The following RANBP10 variants were observed in gnomAD, a reference collection of about 807,000 sequenced individuals.
RANBP10 encodes RAN binding protein 10.
RANBP10 carries 24 observed loss-of-function variants against 72.8 expected under a neutral mutation model. That is an observed-to-expected ratio of 0.33 (90% confidence interval 0.24 to 0.46). RANBP10 has a LOEUF of 0.46. Among genes scored for constraint, RANBP10 ranks in the 20% least tolerant of loss-of-function variants. The pLI, the probability that RANBP10 is intolerant of heterozygous loss-of-function variation, is 1.00. For synonymous variants in RANBP10, 310 were observed against 322.3 expected (o/e 0.96, Z 0.41); for missense variants, 679 against 817.5 (o/e 0.83, Z 2.07).
chr16:67,768,300 G>C (rs1438663659), intron 3 of RANBP10, among the ~76,000 whole-genome samples: 2 of 150,948 alleles, frequency 1.3e-5, no homozygotes, highest in African/African-American at 4.9e-5. Flanking sequence ...CAGGCAGACT[G>C]ACTGAGCTCA....
chr16:67,785,109 G>C (rs1277616678), intron 2 of RANBP10, among the ~76,000 whole-genome samples: 2 of 152,048 alleles, frequency 1.3e-5, no homozygotes, highest in Non-Finnish European at 2.9e-5. Context: ...CTACTCGGGA[G>C]GCTGAGGCAG....
chr16:67,740,895 C>G (rs2053956625), intron 4 of RANBP10, among the ~76,000 whole-genome samples: 1 of 152,176 alleles, frequency 6.6e-6, no homozygotes, highest in Non-Finnish European at 1.5e-5. Flanking sequence ...CTGGAAATCT[C>G]TCTGTACCCA....
rs757424928 is a variant in RANBP10, at chr16:67,744,397, C to G, written c.459G>C (p.Ser153=). 15 of 1,614,090 alleles carry G rather than the reference C, an allele frequency of 9.3e-6. No individual in the cohort carries two copies. The highest frequency in any genetic ancestry group is 1.3e-5 in the Non-Finnish European group (15 of 1,180,042). Residue 153 remains serine (S), a synonymous_variant, in exon 4 of 14, where the codon TCG becomes TCC. Coordinates refer to ENST00000317506, the MANE Select transcript of RANBP10 (RefSeq NM_020850.3). ...HGDDGHSFCS[S]GTGQPYGPTF... The stretch of plus-strand genomic sequence containing the variant: ...TGGGACCATAGGGCTGGCCAGTCCC[C>G]GAGGAGCAGAACGAATGCCCATCAT...
chr16:67,741,125 G>A (rs780873896), intron 4 of RANBP10, among the ~76,000 whole-genome samples: 8 of 152,212 alleles, frequency 5.3e-5, no homozygotes, highest in Middle Eastern at 3.4e-3. Flanking sequence ...TCGATATCTC[G>A]ACTTCAAGGA....
At chr16:67,797,798 A>G (rs1357674852) in intron 2 of RANBP10, among the ~76,000 whole-genome samples, 5 of 149,920 alleles carry the variant, frequency 3.3e-5, no homozygotes, top group South Asian at 4.2e-4. Context: ...GTGACAGAGC[A>G]ACACTCTGTC....
At position 67,780,726 on chromosome 16, in the gene RANBP10, G is replaced by A. The variant is rs141033302; in HGVS notation, c.348-8640C>T. ...GAGCAGTGGGATGATGTGGAGACAG[G>A]CAAGTGCTCTTTAGAACACAGTTAA... On this transcript the variant is annotated intron_variant, in intron 2 of 13. Transcript: ENST00000317506. 7.9e-5 allele frequency among the ~76,000 whole-genome samples: 12 copies of A among 152,348 alleles called. No homozygotes were observed. The East Asian group carries it at 2.3e-3, about 29-fold the overall frequency.
At chr16:67,803,740 C>G (rs1027709846) in intron 2 of RANBP10, among the ~76,000 whole-genome samples, 2 of 149,164 alleles carry the variant, frequency 1.3e-5, no homozygotes, top group Admixed American at 6.8e-5. Flanking sequence ...GAGGATAACT[C>G]GAGCCCAGAA....
chr16:67,792,365 TA>T (rs1597916520), intron 2 of RANBP10, among the ~76,000 whole-genome samples: 1 of 151,482 alleles, frequency 6.6e-6, no homozygotes, highest in East Asian at 1.9e-4. Context: ...CCATCCTGGC[TA>T]ACACGGTGAA....
chr16:67,727,411 C>T lies in RANBP10; in HGVS notation c.1648G>A (p.Asp550Asn). 6.2e-7 allele frequency: 1 copy of T among 1,613,952 alleles called. No individual in the cohort carries two copies. Reference sequence around the variant, plus strand: ...TGGCCAACTGGGCAGCTCCAGGGGTCTGAGTATGCCAGCAGGCTGAAGGCA... The same window carrying T: ...TGGCCAACTGGGCAGCTCCAGGGGTTTGAGTATGCCAGCAGGCTGAAGGCA... The part of the protein sequence containing the change: ...QDAFSLLAYS[D>N]PWSCPVGQQL... Residue 550 changes from aspartate to asparagine, a missense_variant, in exon 13 of 14, where the codon GAC (aspartate) becomes AAC (asparagine). By Grantham distance (23) the Asp-to-Asn change is conservative. Transcript: ENST00000317506.
intron 2 of RANBP10, among the ~76,000 whole-genome samples, chr16:67,778,853 G>A (rs1325827647): frequency 2.6e-5 from 4 of 152,204 alleles, no homozygotes; most frequent in African/African-American, 9.7e-5. Flanking sequence ...AGCACTTTGG[G>A]AGGCCGAGGC....
chr16:67,744,540 G>C, intron 3 of RANBP10, 85 bp from the exon 4 acceptor site: 1 of 1,397,582 alleles, frequency 7.2e-7, no homozygotes. Flanking sequence ...AGGTCTCTCA[G>C]CCTCTCCTCA....
chr16:67,729,691 A>G lies in RANBP10; in HGVS notation c.1136T>C (p.Met379Thr). ...GGAGAGTGGCTGACCTGTGTTGTGCATGTGGGAACTACTGGGGCCATGTCG... is the reference window on the plus strand; with the variant it reads ...GGAGAGTGGCTGACCTGTGTTGTGCGTGTGGGAACTACTGGGGCCATGTCG... Reference protein sequence around the residue: ...SPRHGPSSSHMHNTGADSPSC... With the variant: ...SPRHGPSSSHTHNTGADSPSC... Residue 379 changes from methionine to threonine, a missense_variant, in exon 9 of 14, where the codon ATG becomes ACG. Transcript: ENST00000317506. The surrounding 1 kb of genome is among the most constrained non-coding windows in gnomAD (Gnocchi z 7.1). 4 of 1,612,242 alleles carry G rather than the reference A, an allele frequency of 2.5e-6. No homozygotes were observed. Among genetic ancestry groups the G allele is most frequent in the Non-Finnish European group, 1.7e-6 (2 of 1,179,056 alleles).
At chr16:67,805,277 A>T (rs889044622) in intron 2 of RANBP10, 151 bp downstream of exon 2, 1 of 603,058 alleles carries the variant, frequency 1.7e-6, no homozygotes, top group African/African-American at 1.8e-5. Flanking sequence ...TGCTTAGACC[A>T]GACCATGCCC....
intron 5 of RANBP10, 82 bp downstream of exon 5, chr16:67,737,931 C>T: frequency 6.7e-7 from 1 of 1,489,608 alleles, no homozygotes; most frequent in Non-Finnish European, 9.2e-7. Context: ...GACTCCACAC[C>T]CTGCACTTGC....
chr16:67,749,384 G>A (rs1179247714), intron 3 of RANBP10, among the ~76,000 whole-genome samples: 4 of 152,272 alleles, frequency 2.6e-5, no homozygotes, highest in Middle Eastern at 3.4e-3. Flanking sequence ...AGAAACTGGT[G>A]GAGGCCCTCA....
At chr16:67,773,223 C>T (rs2143013021) in intron 2 of RANBP10, among the ~76,000 whole-genome samples, 1 of 152,228 alleles carries the variant, frequency 6.6e-6, no homozygotes, top group South Asian at 2.1e-4. Flanking sequence ...CCTGCGAGAT[C>T]TGGTTGTTTA....
chr16:67,768,842 T>C (rs1300715762), intron 3 of RANBP10, among the ~76,000 whole-genome samples: 2 of 152,252 alleles, frequency 1.3e-5, no homozygotes, highest in African/African-American at 2.4e-5. Context: ...TGCTTTGGTT[T>C]ATTTTGTTTT....
intron 3 of RANBP10, among the ~76,000 whole-genome samples, chr16:67,758,237 C>T (rs1251776377): frequency 6.6e-6 from 1 of 152,212 alleles, no homozygotes; most frequent in Non-Finnish European, 1.5e-5. Flanking sequence ...CCTGCCAACA[C>T]CTTGTCCCGA....
chr16:67,752,789 C>A (rs1268891793), intron 3 of RANBP10, among the ~76,000 whole-genome samples: 1 of 152,168 alleles, frequency 6.6e-6, no homozygotes, highest in African/African-American at 2.4e-5. Context: ...CTGGAAAGGA[C>A]AAGCACTATC....
Sources: allele counts gnomAD v4.1 joint callset (sites outside exome capture counted in the v4.1 genomes callset), GRCh38; gene constraint gnomAD v4.1.1; non-coding constraint Gnocchi (gnomAD v3.1); transcripts MANE v1.5; gene names NCBI Gene and HGNC (gene_info 2026-07-23, HGNC 2026-07-21).